The following FBN1 variants were observed in gnomAD, a reference collection of about 807,000 sequenced individuals.
FBN1 encodes fibrillin-1.
FBN1 carries 29 observed loss-of-function variants against 365.1 expected under a neutral mutation model. That is an observed-to-expected ratio of 0.08 (90% CI 0.06 to 0.11). The LOEUF is 0.11. Among genes scored for constraint, FBN1 ranks in the 10% least tolerant of loss-of-function variants. The pLI is 1.00. For missense variants in FBN1, 2,476 were observed against 3,703.2 expected, an observed-to-expected ratio of 0.67 and a Z score of 8.60; for synonymous variants, 1,210 against 1,270.5, an observed-to-expected ratio of 0.95 and a Z score of 1.01.
intron 17 of FBN1, among the ~76,000 whole-genome samples, chr15:48,503,308 AAAAAAAG>A (rs1177798579): frequency 2.7e-5 from 4 of 150,264 alleles, no homozygotes; most frequent in African/African-American, 9.9e-5. Context: ...AAAAAAAAAA[AAAAAAAG>A]AAGAAGAAGA....
At chr15:48,445,173 C>T (rs2043145848) in intron 48 of FBN1, among the ~76,000 whole-genome samples, 1 of 138,506 alleles carries the variant, frequency 7.2e-6, no homozygotes, top group African/African-American at 2.6e-5. Flanking sequence ...TATATACACA[C>T]ATATATATAT....
chr15:48,430,522 G>C, intron 56 of FBN1, 149 bp downstream of exon 56: 2 of 819,010 alleles, frequency 2.4e-6, no homozygotes. Flanking sequence ...CACGAGGCAA[G>C]GGAACCACCA....
At chr15:48,639,083 A>G (rs1009513118) in intron 2 of FBN1, among the ~76,000 whole-genome samples, 4 of 152,260 alleles carry the variant, frequency 2.6e-5, no homozygotes, top group African/African-American at 9.6e-5. Flanking sequence ...GTGAACTAGC[A>G]TGAAAGAATA....
chr15:48,577,360 A>G (rs2044356675), intron 6 of FBN1, among the ~76,000 whole-genome samples: 1 of 152,204 alleles, frequency 6.6e-6, no homozygotes, highest in African/African-American at 2.4e-5. Context: ...ACATATTTAC[A>G]TGAACCAAAG....
At chr15:48,469,901 G>A (rs1268817718) in intron 36 of FBN1, among the ~76,000 whole-genome samples, 2 of 152,048 alleles carry the variant, frequency 1.3e-5, no homozygotes, top group Middle Eastern at 3.2e-3. Context: ...TGGTGGTGGT[G>A]GTCATGATCT....
chr15:48,619,972 A>T (rs1284142630), intron 2 of FBN1, among the ~76,000 whole-genome samples: 1 of 152,168 alleles, frequency 6.6e-6, no homozygotes, highest in Non-Finnish European at 1.5e-5. Flanking sequence ...TGTTTTAAAA[A>T]TTAAATTAAC....
chr15:48,540,384 T>C (rs1460490487), intron 6 of FBN1, among the ~76,000 whole-genome samples: 2 of 152,176 alleles, frequency 1.3e-5, no homozygotes, highest in African/African-American at 4.8e-5. Flanking sequence ...ATAAGGATTA[T>C]ACTAAAAATA....
rs1466970469 is a variant in FBN1, at chr15:48,409,910, G to C, written c.*1080C>G. On this transcript the variant is annotated 3_prime_UTR_variant, in exon 66 of 66. Coordinates refer to ENST00000316623, the MANE Select transcript of FBN1 (RefSeq NM_000138.5). The stretch of plus-strand genomic sequence containing the variant: ...CTGCTACTTTCAATGGATAAAACAA[G>C]GGATCGACTCATATGTTAAATTTTC... The C allele has an allele frequency of 6.6e-6, 1 of 152,202 alleles. No individual in the cohort carries two copies. The highest frequency in any genetic ancestry group is 1.9e-4 in the East Asian group (1 of 5,202). 9.4% of individuals were successfully genotyped at this position (152,202 alleles called of 1,614,324 possible). A position where few individuals can be genotyped will look rare whatever the true frequency, so the allele number is the denominator to read the frequency against.
intron 8 of FBN1, among the ~76,000 whole-genome samples, chr15:48,533,322 A>G (rs1027355805): frequency 6.6e-6 from 1 of 152,170 alleles, no homozygotes; most frequent in African/African-American, 2.4e-5. Context: ...ACATTACTAT[A>G]TATAAGTTAC....
intron 8 of FBN1, among the ~76,000 whole-genome samples, chr15:48,526,536 T>C (rs138656455): frequency 2.0e-5 from 3 of 152,378 alleles, no homozygotes; most frequent in Non-Finnish European, 4.4e-5. Context: ...CAAGTAACTA[T>C]AGCATGTTAA....
At chr15:48,507,977 C>A (rs2043725093) in intron 15 of FBN1, among the ~76,000 whole-genome samples, 1 of 151,702 alleles carries the variant, frequency 6.6e-6, no homozygotes, top group Non-Finnish European at 1.5e-5. Context: ...ATACCTGGGG[C>A]AATGAGATTA....
At chr15:48,577,547 C>A (rs2044358612) in intron 6 of FBN1, among the ~76,000 whole-genome samples, 1 of 152,106 alleles carries the variant, frequency 6.6e-6, no homozygotes, top group African/African-American at 2.4e-5. Context: ...TTTTTCCTCT[C>A]ATTTTATCCA....
At chr15:48,579,277 A>AC (rs1044127356) in intron 6 of FBN1, among the ~76,000 whole-genome samples, 4 of 151,940 alleles carry the variant, frequency 2.6e-5, no homozygotes, top group Non-Finnish European at 1.5e-5. Context: ...ACATTTCTTG[A>AC]CCCCCCAAAA....
chr15:48,583,558 T>A (rs1361625709), intron 6 of FBN1, among the ~76,000 whole-genome samples: 3 of 152,216 alleles, frequency 2.0e-5, no homozygotes, highest in Non-Finnish European at 4.4e-5. Context: ...GTCTATTACC[T>A]CTCATTGATT....
rs74011818 is a variant in FBN1, at chr15:48,482,235, T to C, written c.3839-455A>G. Among the ~76,000 whole-genome samples the C allele has an allele frequency of 3.4e-3, 521 of 152,362 alleles. 6 individuals are homozygous for C. Among genetic ancestry groups the C allele is most frequent in the African/African-American group, 0.012 (501 of 41,588 alleles). On this transcript the variant is annotated intron_variant, in intron 31 of 65. Transcript: ENST00000316623. ...TTTCCAAATTAAAAATTATTCATTT[T>C]TTATGACATTCATTTTAATTCTAGG...
intron 4 of FBN1, among the ~76,000 whole-genome samples, chr15:48,602,649 G>A (rs1320730587): frequency 2.0e-5 from 3 of 152,046 alleles, no homozygotes; most frequent in African/African-American, 7.2e-5. Context: ...CTCCTTTGTT[G>A]GAGTAATGAA....
rs2043401190 is a variant in FBN1, at chr15:48,474,258, T to C, written c.4207A>G (p.Thr1403Ala). ...EGYTGDGFTC[T>A]DLDECSENLN... ...GTTGTTTCCAGCGTGAACATACCTGTACAAGTGAAGCCATCACCTGTGTAT... is the reference window on the plus strand; with the variant it reads ...GTTGTTTCCAGCGTGAACATACCTGCACAAGTGAAGCCATCACCTGTGTAT... The change falls in exon 34 of 66, where the codon ACA (threonine) becomes GCA (alanine). Residue 1403 changes from threonine (T) to alanine (A), a missense_variant. Transcript: ENST00000316623. 1 of 1,614,138 alleles carries C rather than the reference T, an allele frequency of 6.2e-7. No individual in the cohort carries two copies. Among genetic ancestry groups the C allele is most frequent in the Non-Finnish European group, 8.5e-7 (1 of 1,180,004 alleles).
At chr15:48,527,420 A>T (rs1180732284) in intron 8 of FBN1, among the ~76,000 whole-genome samples, 1 of 152,332 alleles carries the variant, frequency 6.6e-6, no homozygotes, top group East Asian at 1.9e-4. Flanking sequence ...GGGCACAGGG[A>T]ATCTGCATGG....
chr15:48,549,439 G>C (rs537096068), intron 6 of FBN1, among the ~76,000 whole-genome samples: 1 of 152,300 alleles, frequency 6.6e-6, no homozygotes, highest in African/African-American at 2.4e-5. Flanking sequence ...AGACCAGCTG[G>C]CTCCAGAAAG....
Sources: allele counts gnomAD v4.1 joint callset (sites outside exome capture counted in the v4.1 genomes callset), GRCh38; gene constraint gnomAD v4.1.1; transcripts MANE v1.5; gene names NCBI Gene and HGNC (gene_info 2026-07-23, HGNC 2026-07-21).